The following ITPR2 variants were observed in gnomAD, a reference collection of about 807,000 sequenced individuals.
ITPR2 encodes the protein inositol 1,4,5-trisphosphate-gated calcium channel ITPR2.
ITPR2 carries 207 observed loss-of-function variants against 317.1 expected under a neutral mutation model. That is an observed-to-expected ratio of 0.65 (90% CI 0.58 to 0.73). The LOEUF (loss-of-function observed/expected upper bound fraction) is 0.73, where lower values mean the gene tolerates loss of function less well. ITPR2 is among the 30% of genes least tolerant of loss of function. The probability of loss-of-function intolerance (pLI) is 0.00; values close to 1 mark genes in which losing one functional copy is unlikely to be tolerated. For missense variants in ITPR2, 2,613 were observed against 3,284.0 expected (o/e 0.80, Z 4.99); for synonymous variants, 1,156 against 1,149.1 (o/e 1.01, Z -0.12).
At chr12:26,357,404 G>A (rs1027954435) in intron 55 of ITPR2, among the ~76,000 whole-genome samples, 2 of 152,138 alleles carry the variant, frequency 1.3e-5, no homozygotes, top group Admixed American at 6.5e-5. Flanking sequence ...ATCTGCCCTG[G>A]CTCCATGTGG....
intron 2 of ITPR2, among the ~76,000 whole-genome samples, chr12:26,742,840 C>T (rs922220714): frequency 3.3e-5 from 5 of 150,852 alleles, no homozygotes; most frequent in East Asian, 1.9e-4. Context: ...GAATGATGTA[C>T]TGATTCATGC....
Position 26,556,305 on chromosome 12 carries a change from A to T in ITPR2, c.4892T>A (p.Val1631Glu), listed in dbSNP as rs1220969985. The T allele has an allele frequency of 6.2e-7, 1 of 1,613,966 alleles. No homozygotes were observed. Among genetic ancestry groups the T allele is most frequent in the Non-Finnish European group, 8.5e-7 (1 of 1,179,970 alleles). The change falls in exon 36 of 57, where the codon GTA (valine) becomes GAA (glutamate). Residue 1631 changes from valine (V) to glutamate (E), a missense_variant. Around this residue, in one of 9 missense-constraint regions of ITPR2, gnomAD observed 926 missense variants for 1,072.8 expected, o/e 0.86. Coordinates refer to ENST00000381340, the MANE Select transcript of ITPR2 (RefSeq NM_002223.4). The part of the protein sequence containing the change: ...MQAEFSVLVD[V>E]LYSPELLFPE... The stretch of plus-strand genomic sequence containing the variant: ...GAACAGCAGTTCTGGACTGTACAAT[A>T]CATCAACCAACACTGAGAATTCAGC...
intron 13 of ITPR2, among the ~76,000 whole-genome samples, chr12:26,674,672 C>T (rs1947867054): frequency 6.6e-6 from 1 of 152,154 alleles, no homozygotes; most frequent in Non-Finnish European, 1.5e-5. Context: ...AAAGCAATGG[C>T]AACAAAAGCC....
chr12:26,719,757 C>T (rs1199281595), intron 5 of ITPR2, among the ~76,000 whole-genome samples: 2 of 152,090 alleles, frequency 1.3e-5, no homozygotes, highest in African/African-American at 4.8e-5. Flanking sequence ...TCCCCGCTCT[C>T]CCCACCCCAC....
rs73083292 is a variant in ITPR2, at chr12:26,451,313, G to A, written c.6343-7663C>T. Among the ~76,000 whole-genome samples, 3 of 149,354 alleles carry A rather than the reference G, an allele frequency of 2.0e-5. No individual in the cohort carries two copies. The East Asian group carries it at 5.9e-4, about 30-fold the overall frequency. On this transcript the variant is annotated intron_variant, in intron 45 of 56. Coordinates refer to ENST00000381340, the MANE Select transcript of ITPR2 (RefSeq NM_002223.4). ...AGGATTCATGGACAACCAGACCAAA[G>A]GACCACAGACCTAAGGGAAATCATG...
At position 26,400,239 on chromosome 12, in the gene ITPR2, A is replaced by G; in HGVS notation, c.7419T>C (p.Asp2473=). The change falls in exon 53 of 57, where the codon GAT becomes GAC. Residue 2473 remains aspartate, a synonymous_variant. Transcript: ENST00000381340. ...ASNTADEEYE[D]GIERTCDTLL... ...GAGTGTCACACGTCCTTTCAATTCC[A>G]TCTTCATACTCTTCATCAGCTATAA... 3 of 1,575,834 alleles carry G rather than the reference A, an allele frequency of 1.9e-6. No homozygotes were observed. The highest frequency in any genetic ancestry group is 2.6e-6 in the Non-Finnish European group (3 of 1,156,902).
intron 55 of ITPR2, among the ~76,000 whole-genome samples, chr12:26,357,898 C>T (rs938940656): frequency 2.0e-5 from 3 of 152,216 alleles, no homozygotes; most frequent in Admixed American, 6.5e-5. Flanking sequence ...AGCTGCAGGG[C>T]GGCTAGCTCG....
chr12:26,604,062 G>T (rs1362362149), intron 26 of ITPR2, among the ~76,000 whole-genome samples: 2 of 152,166 alleles, frequency 1.3e-5, no homozygotes, highest in Non-Finnish European at 2.9e-5. Context: ...GAGGCCAATT[G>T]ATATGATTTA....
intron 53 of ITPR2, 111 bp downstream of exon 53, chr12:26,400,017 G>A: frequency 8.8e-7 from 1 of 1,139,980 alleles, no homozygotes; most frequent in Non-Finnish European, 1.2e-6. Context: ...TACTTTTAAA[G>A]CAAATGGTAC....
chr12:26,487,946 A>G (rs1244979181), intron 39 of ITPR2, among the ~76,000 whole-genome samples: 2 of 152,196 alleles, frequency 1.3e-5, no homozygotes, highest in African/African-American at 4.8e-5. Flanking sequence ...ATAGTCAATA[A>G]TGATGTAGAA....
chr12:26,457,663 G>C (rs149601005), intron 45 of ITPR2, among the ~76,000 whole-genome samples: 5 of 152,250 alleles, frequency 3.3e-5, no homozygotes, highest in Non-Finnish European at 5.9e-5. Context: ...GTAACATACG[G>C]TGCAATGAAG....
At chr12:26,638,701 T>G (rs531326701) in intron 21 of ITPR2, among the ~76,000 whole-genome samples, 2 of 152,298 alleles carry the variant, frequency 1.3e-5, no homozygotes, top group African/African-American at 4.8e-5. Context: ...TTGGGTGAAG[T>G]CAGAGATAGC....
At chr12:26,747,849 T>G (rs1949350448) in intron 2 of ITPR2, among the ~76,000 whole-genome samples, 1 of 152,224 alleles carries the variant, frequency 6.6e-6, no homozygotes, top group Admixed American at 6.5e-5. Context: ...TTCATTAACC[T>G]TTTTTCATTA....
At chr12:26,652,623 A>G (rs1441732101) in intron 21 of ITPR2, among the ~76,000 whole-genome samples, 1 of 152,142 alleles carries the variant, frequency 6.6e-6, no homozygotes, top group Non-Finnish European at 1.5e-5. Context: ...CCAGACTCTT[A>G]CCCAATGTTA....
chr12:26,614,890 T>C (rs557500308), intron 26 of ITPR2, among the ~76,000 whole-genome samples: 36 of 152,346 alleles, frequency 2.4e-4, no homozygotes, highest in Non-Finnish European at 4.7e-4. Flanking sequence ...CATGACATTA[T>C]GCATTTGTCA....
Position 26,622,390 on chromosome 12 carries a change from T to C in ITPR2, c.3138A>G (p.Pro1046=). The change falls in exon 25 of 57, where the codon CCA becomes CCG. Residue 1046 remains proline, a synonymous_variant. Transcript: ENST00000381340. ...TMFAGRKEKN[P]VQLDDEGGRT... ...TGCCTCCTTCATCGTCAAGTTGAACTGGATTTTTTTCTTTTCTATAAAACC... is the reference window on the plus strand; with the variant it reads ...TGCCTCCTTCATCGTCAAGTTGAACCGGATTTTTTTCTTTTCTATAAAACC... 6.2e-7 allele frequency: 1 copy of C among 1,601,816 alleles called. No individual in the cohort carries two copies. The highest frequency in any genetic ancestry group is 2.2e-5 in the East Asian group (1 of 44,752).
intron 21 of ITPR2, among the ~76,000 whole-genome samples, chr12:26,639,735 C>T (rs1251698576): frequency 1.3e-5 from 2 of 150,792 alleles, no homozygotes; most frequent in Admixed American, 1.3e-4. Flanking sequence ...GTTTTTTGTC[C>T]TTGTGATAGT....
At chr12:26,698,719 C>A (rs1948393769) in intron 9 of ITPR2, among the ~76,000 whole-genome samples, 1 of 152,090 alleles carries the variant, frequency 6.6e-6, no homozygotes, top group African/African-American at 2.4e-5. Flanking sequence ...CTACAGAGAC[C>A]CAGACTTTCC....
chr12:26,499,200 A>G (rs113987906), intron 37 of ITPR2, among the ~76,000 whole-genome samples: 4,245 of 152,306 alleles, frequency 0.028, 144 homozygotes, highest in African/African-American at 0.076. Flanking sequence ...TAAGCATCAT[A>G]TTTGTGATTA....
Sources: allele counts gnomAD v4.1 joint callset (sites outside exome capture counted in the v4.1 genomes callset), GRCh38; gene constraint gnomAD v4.1.1; regional missense constraint gnomAD v4.1.1; transcripts MANE v1.5; gene names NCBI Gene and HGNC (gene_info 2026-07-23, HGNC 2026-07-21).